FGD4: variants seen among roughly 807,000 people sequenced by gnomAD.
FGD4 encodes FYVE, RhoGEF and PH domain-containing protein 4.
In FGD4, 42 loss-of-function variants were observed where a neutral mutation model predicts 102.0. The ratio of observed to expected loss-of-function variants is 0.41; its 90% CI spans 0.32 to 0.53. FGD4 has a LOEUF of 0.53. FGD4 is among the 20% of genes least tolerant of loss of function. FGD4 has a pLI of 0.21. For synonymous variants in FGD4, 380 were observed against 375.7 expected (o/e 1.01, Z -0.13); for missense variants, 902 against 1,078.2 (o/e 0.84, Z 2.29).
intron 4 of FGD4, among the ~76,000 whole-genome samples, chr12:32,595,759 A>G (rs1265551465): frequency 6.6e-6 from 1 of 152,246 alleles, no homozygotes; most frequent in East Asian, 1.9e-4. Flanking sequence ...GAATTGTATT[A>G]AGTTAAATCC....
rs562168465 is a variant in FGD4, at chr12:32,405,487, G to A, written c.166+5528G>A. Among the ~76,000 whole-genome samples the A allele has an allele frequency of 4.1e-5, 6 of 147,170 alleles. No individual in the cohort carries two copies. The East Asian group carries it at 6.2e-4, about 15-fold the overall frequency. ...TTGGTCAGGCTGGTCTCGAACTCCC[G>A]ACCTCAGGTGATCCACCCGCCTCGG... On this transcript the variant is annotated intron_variant, in intron 1 of 16. Transcript: ENST00000534526.
At chr12:32,542,559 A>C (rs1942926615) in intron 1 of FGD4, among the ~76,000 whole-genome samples, 1 of 152,196 alleles carries the variant, frequency 6.6e-6, no homozygotes, top group African/African-American at 2.4e-5. Flanking sequence ...GTTGTGAATA[A>C]ATGGAAAATA....
At chr12:32,460,628 G>A (rs1943078845) in intron 1 of FGD4, among the ~76,000 whole-genome samples, 1 of 152,170 alleles carries the variant, frequency 6.6e-6, no homozygotes, top group African/African-American at 2.4e-5. Context: ...TCAATGGATT[G>A]CATGATGAAA....
chr12:32,523,906 A>C (rs914260027), intron 1 of FGD4, among the ~76,000 whole-genome samples: 6 of 151,996 alleles, frequency 3.9e-5, no homozygotes, highest in Non-Finnish European at 2.9e-5. Context: ...TGAACCCGGG[A>C]GGCGGAGCTT....
rs758201860 is a variant in FGD4, at chr12:32,625,777, T to G, written c.2170T>G (p.Tyr724Asp). 4.1e-5 allele frequency: 66 copies of G among 1,613,890 alleles called. 1 individual carries two copies. The highest frequency in any genetic ancestry group is 1.0e-5 in the Non-Finnish European group (12 of 1,179,936). ...GAGGCATCATTGTCGAGCATGTGGA[T>G]ATGTAAGTGAGATTTCTTGATCATT... ...RRRHHCRACG[Y>D]VVCWKCSDYK... The change falls in exon 14 of 17, where the codon TAT becomes GAT. Residue 724 changes from tyrosine to aspartate, a missense_variant and splice_region_variant. Tyr to Asp is a radical substitution (Grantham distance 160, BLOSUM62 -3). Transcript: ENST00000534526.
chr12:32,599,557 TTTTTTTTGG>T (rs1487034951), intron 5 of FGD4, among the ~76,000 whole-genome samples: 2 of 64,146 alleles, frequency 3.1e-5, no homozygotes, highest in Admixed American at 1.7e-4. Flanking sequence ...TTTTTTTTTT[TTTTTTTTGG>T]AGATGGAGTC....
intron 2 of FGD4, among the ~76,000 whole-genome samples, chr12:32,567,686 C>CTTTT (rs36064998): frequency 1.9e-4 from 24 of 126,378 alleles, no homozygotes; most frequent in African/African-American, 6.8e-4. Context: ...TTATTGTGGG[C>CTTTT]TTTTTTTTTT....
rs544995109 is a variant in FGD4, at chr12:32,624,661, A to G, written c.1953+209A>G. 7.5e-4 allele frequency: 507 copies of G among 678,916 alleles called. 3 individuals are homozygous for G. The East Asian group carries it at 7.8e-3, about 10-fold the overall frequency. The allele number at this position is 678,916 out of a possible 1,614,324, so 42.1% of individuals were successfully genotyped here. A position where few individuals can be genotyped will look rare whatever the true frequency, so the allele number is the denominator to read the frequency against. ...AATTTTTTTTTTGTATTTCGTAGAG[A>G]CGAGGTTTTGCCATGCTGCCCAGGC... On this transcript the variant is annotated intron_variant, in intron 12 of 16. Transcript: ENST00000534526.
chr12:32,448,658 C>CAA (rs112621517), intron 1 of FGD4, among the ~76,000 whole-genome samples: 8 of 85,622 alleles, frequency 9.3e-5, no homozygotes, highest in Admixed American at 2.6e-4. Flanking sequence ...AACTCCATCG[C>CAA]AAAAAAAAAA....
At chr12:32,491,764 T>G (rs185650884) in intron 1 of FGD4, among the ~76,000 whole-genome samples, 1 of 152,290 alleles carries the variant, frequency 6.6e-6, no homozygotes, top group African/African-American at 2.4e-5. Context: ...AAATCCTGTT[T>G]TATAAGTTAA....
At chr12:32,417,740 G>T (rs1941474727) in intron 1 of FGD4, among the ~76,000 whole-genome samples, 1 of 151,800 alleles carries the variant, frequency 6.6e-6, no homozygotes, top group South Asian at 2.1e-4. Context: ...AGACTCTGAT[G>T]CATTCTTCAG....
chr12:32,461,387 T>C (rs1943100193), intron 1 of FGD4, among the ~76,000 whole-genome samples: 1 of 152,212 alleles, frequency 6.6e-6, no homozygotes, highest in African/African-American at 2.4e-5. Context: ...TCTTCAGTCT[T>C]AGGAGCTCAC....
chr12:32,517,581 C>G (rs907290528), intron 1 of FGD4, among the ~76,000 whole-genome samples: 30 of 152,224 alleles, frequency 2.0e-4, no homozygotes, highest in Admixed American at 1.8e-3. Context: ...CGTATCTAGA[C>G]TGATGTGTAG....
intron 1 of FGD4, among the ~76,000 whole-genome samples, chr12:32,484,520 C>T (rs1232151853): frequency 2.0e-5 from 3 of 152,152 alleles, no homozygotes; most frequent in African/African-American, 7.2e-5. Flanking sequence ...GTTGAATTTA[C>T]ATCATGATTA....
At chr12:32,426,706 G>A (rs958528918) in intron 1 of FGD4, among the ~76,000 whole-genome samples, 1 of 151,932 alleles carries the variant, frequency 6.6e-6, no homozygotes, top group South Asian at 2.1e-4. Context: ...GGCTTTTTTT[G>A]GTTGGTAGTC....
At chr12:32,582,585 T>G in intron 4 of FGD4, 118 bp downstream of exon 4, 1 of 1,357,046 alleles carries the variant, frequency 7.4e-7, no homozygotes, top group Non-Finnish European at 1.0e-6. Flanking sequence ...CACTGGCAGT[T>G]AAACGATTTT....
intron 15 of FGD4, among the ~76,000 whole-genome samples, chr12:32,636,132 T>G (rs1227435780): frequency 6.6e-6 from 1 of 152,054 alleles, no homozygotes; most frequent in East Asian, 1.9e-4. Context: ...ATCATCAAAT[T>G]AATTGTAAGT....
At chr12:32,565,853 T>C (rs1050196414) in intron 2 of FGD4, among the ~76,000 whole-genome samples, 1 of 152,228 alleles carries the variant, frequency 6.6e-6, no homozygotes, top group Non-Finnish European at 1.5e-5. Flanking sequence ...AGGGAATATT[T>C]GCAGATATTA....
chr12:32,467,872 C>T (rs921776523), intron 1 of FGD4, among the ~76,000 whole-genome samples: 6 of 151,896 alleles, frequency 4.0e-5, no homozygotes, highest in Admixed American at 2.0e-4. Flanking sequence ...AAAAATAAGC[C>T]GAGAGTTGTG....
Sources: allele counts gnomAD v4.1 joint callset (sites outside exome capture counted in the v4.1 genomes callset), GRCh38; gene constraint gnomAD v4.1.1; transcripts MANE v1.5; gene names NCBI Gene and HGNC (gene_info 2026-07-23, HGNC 2026-07-21).